Variants in GNAL observed in about 807,000 individuals in gnomAD.
GNAL encodes G protein subunit alpha L, also known as guanine nucleotide-binding protein G(olf) subunit alpha.
In GNAL, 18 loss-of-function variants were observed where a neutral mutation model predicts 55.1. The observed-to-expected ratio is 0.33, with a 90% CI of 0.23 to 0.48. GNAL has a LOEUF of 0.48. Among genes scored for constraint, GNAL ranks in the 20% least tolerant of loss-of-function variants. GNAL has a pLI of 0.99. For synonymous variants in GNAL, 253 were observed against 237.0 expected (o/e 1.07, Z -0.62); for missense variants, 412 against 614.1 (o/e 0.67, Z 3.48).
intron 4 of GNAL, chr18:11,811,445 G>C (rs993306291): frequency 9.2e-5 from 14 of 152,232 alleles, no homozygotes; most frequent in Admixed American, 2.6e-4. Context: ...CTCTGCCCAG[G>C]AATACTGGAT....
chr18:11,695,130 T>C (rs988302723), intron 1 of GNAL, among the ~76,000 whole-genome samples: 21 of 151,860 alleles, frequency 1.4e-4, no homozygotes, highest in Admixed American at 3.9e-4. Context: ...AGGCGGGGAG[T>C]GCGTGCCCTG....
chr18:11,746,246 A>G, intron 1 of GNAL: 1 of 469,544 alleles, frequency 2.1e-6, no homozygotes, highest in Non-Finnish European at 4.2e-6. Context: ...CAATGTGGAG[A>G]AGCTCTTCTC....
At position 11,882,073 on chromosome 18, in the gene GNAL, T is replaced by G. The variant is rs763835736; in HGVS notation, c.*938T>G. 2.0e-5 allele frequency: 3 copies of G among 152,226 alleles called. No individual in the cohort carries two copies. Among genetic ancestry groups the G allele is most frequent in the Admixed American group, 2.0e-4 (3 of 15,272 alleles). 9.4% of individuals were successfully genotyped at this position (152,226 alleles called of 1,614,324 possible). A position where few individuals can be genotyped will look rare whatever the true frequency, so the allele number is the denominator to read the frequency against. On this transcript the variant is annotated 3_prime_UTR_variant, in exon 12 of 12. Coordinates refer to ENST00000334049, the MANE Select transcript of GNAL (RefSeq NM_182978.4). ...ATCAGGTTGGCACTTTATAAAATAC[T>G]CCCTGATTTAAAAAATTGTAAGTTA...
At chr18:11,791,328 C>A (rs537311006) in intron 4 of GNAL, among the ~76,000 whole-genome samples, 2 of 152,280 alleles carry the variant, frequency 1.3e-5, no homozygotes, top group African/African-American at 2.4e-5. Flanking sequence ...GAATGGGAAC[C>A]GCTAGGTGTT....
chr18:11,771,195 G>C (rs1386617099), intron 4 of GNAL, among the ~76,000 whole-genome samples: 2 of 149,326 alleles, frequency 1.3e-5, no homozygotes, highest in Non-Finnish European at 3.0e-5. Flanking sequence ...TCCAGCCTGG[G>C]CAACAAGAGT....
chr18:11,731,523 G>T (rs776020141), intron 1 of GNAL, among the ~76,000 whole-genome samples: 66 of 152,300 alleles, frequency 4.3e-4, no homozygotes, highest in Non-Finnish European at 2.5e-4. Context: ...GGGGGCCTTA[G>T]GATTTTATTT....
At chr18:11,788,092 T>G (rs992286690) in intron 4 of GNAL, among the ~76,000 whole-genome samples, 1 of 152,174 alleles carries the variant, frequency 6.6e-6, no homozygotes, top group African/African-American at 2.4e-5. Context: ...TAATCGGGCC[T>G]TAGATATCTT....
At chr18:11,847,096 A>G (rs950357196) in intron 5 of GNAL, among the ~76,000 whole-genome samples, 1 of 151,880 alleles carries the variant, frequency 6.6e-6, no homozygotes, top group Non-Finnish European at 1.5e-5. Context: ...ATATGTATCC[A>G]ATGCCATTTC....
At chr18:11,731,272 G>A (rs572263249) in intron 1 of GNAL, among the ~76,000 whole-genome samples, 6 of 152,252 alleles carry the variant, frequency 3.9e-5, no homozygotes, top group East Asian at 3.9e-4. Flanking sequence ...CTCAGCCTCC[G>A]GAGTAGCTGG....
At chr18:11,754,240 C>T (rs1195253179) in intron 4 of GNAL, among the ~76,000 whole-genome samples, 2 of 151,972 alleles carry the variant, frequency 1.3e-5, no homozygotes, top group Non-Finnish European at 2.9e-5. Flanking sequence ...CATGGTAAAA[C>T]CCCATCTCTA....
Position 11,857,560 on chromosome 18 carries a change from G to C in GNAL, c.723-4835G>C, listed in dbSNP as rs1040902396. The C allele has an allele frequency of 5.1e-6, 5 of 985,458 alleles. No individual in the cohort carries two copies. The African/African-American group carries it at 8.7e-5, about 17-fold the overall frequency. The allele number at this position is 985,458 out of a possible 1,614,324, so 61.0% of individuals were successfully genotyped here. ...GTCATGAGAAATGATGGTTCAGGCA[G>C]AGATTAGAGCATAAAGCAGGGAGGT... On this transcript the variant is annotated intron_variant, in intron 5 of 11. Coordinates refer to ENST00000334049, the MANE Select transcript of GNAL (RefSeq NM_182978.4).
chr18:11,694,293 C>T (rs903966838), intron 1 of GNAL, among the ~76,000 whole-genome samples: 2 of 152,182 alleles, frequency 1.3e-5, no homozygotes, highest in Non-Finnish European at 2.9e-5. Flanking sequence ...TTGTGCTCCT[C>T]TCATGGAGCA....
chr18:11,720,837 C>T (rs1567997785), intron 1 of GNAL, among the ~76,000 whole-genome samples: 1 of 152,124 alleles, frequency 6.6e-6, no homozygotes, highest in Non-Finnish European at 1.5e-5. Flanking sequence ...CCTGTTTTAC[C>T]TTTTGACAGC....
In GNAL at chr18:11,836,947, A is replaced by G. The variant is rs192686177; in HGVS notation, c.722+11932A>G. On this transcript the variant is annotated intron_variant, in intron 5 of 11. Coordinates refer to ENST00000334049, the MANE Select transcript of GNAL (RefSeq NM_182978.4). ...TTCATATCTTGAACCTAGTTTTCCAATGAAAGCCAGGATAGCTTTTTCTTG... is the reference window on the plus strand; with the variant it reads ...TTCATATCTTGAACCTAGTTTTCCAGTGAAAGCCAGGATAGCTTTTTCTTG... Among the ~76,000 whole-genome samples the G allele has an allele frequency of 1.5e-4, 23 of 152,226 alleles. No homozygotes were observed. In the East Asian group the frequency reaches 2.3e-3, roughly 15 times the overall value.
intron 4 of GNAL, among the ~76,000 whole-genome samples, chr18:11,781,860 TAAAC>T (rs1478623752): frequency 2.0e-5 from 3 of 152,214 alleles, no homozygotes; most frequent in South Asian, 4.1e-4. Context: ...TTTGTTTAAA[TAAAC>T]AAAATAGGTG....
chr18:11,801,647 C>G (rs949230058), intron 4 of GNAL, among the ~76,000 whole-genome samples: 2 of 152,240 alleles, frequency 1.3e-5, no homozygotes, highest in East Asian at 3.9e-4. Flanking sequence ...CTGCTATAAT[C>G]TGGGTGAGAG....
rs892526453 is a variant in GNAL, at chr18:11,694,655, G to A, written c.376+4716G>A. Among the ~76,000 whole-genome samples the A allele has an allele frequency of 1.2e-4, 19 of 152,186 alleles. 1 individual carries two copies. Among genetic ancestry groups the A allele is most frequent in the Non-Finnish European group, 2.9e-5 (2 of 68,036 alleles). ...GGCTTGGGGAGCAGGTCAGATGACT[G>A]GGTGCGGAGGGTAGGTAATGAGAGG... On this transcript the variant is annotated intron_variant, in intron 1 of 11. Coordinates refer to ENST00000334049, the MANE Select transcript of GNAL (RefSeq NM_182978.4).
At chr18:11,748,466 A>G (rs1304978758) in intron 1 of GNAL, among the ~76,000 whole-genome samples, 1 of 152,202 alleles carries the variant, frequency 6.6e-6, no homozygotes, top group African/African-American at 2.4e-5. Flanking sequence ...AAGCAGTTTT[A>G]TAGCACACAC....
intron 4 of GNAL, among the ~76,000 whole-genome samples, chr18:11,817,003 G>C (rs1001071803): frequency 1.3e-5 from 2 of 152,256 alleles, no homozygotes; most frequent in African/African-American, 2.4e-5. Flanking sequence ...TGGTGGCACG[G>C]CTTGGCTCCA....
Sources: allele counts gnomAD v4.1 joint callset (sites outside exome capture counted in the v4.1 genomes callset), GRCh38; gene constraint gnomAD v4.1.1; transcripts MANE v1.5; gene names NCBI Gene and HGNC (gene_info 2026-07-23, HGNC 2026-07-21).